Variants in AFAP1L1 observed in about 807,000 individuals in gnomAD.
AFAP1L1 encodes the protein actin filament associated protein 1 like 1, also known as actin filament-associated protein 1-like 1.
Under a neutral mutation model 99.8 loss-of-function variants are expected in AFAP1L1, and 77 were observed. The ratio of observed to expected loss-of-function variants is 0.77; its 90% CI spans 0.64 to 0.93. The LOEUF (loss-of-function observed/expected upper bound fraction) is 0.93. Ranked by LOEUF, AFAP1L1 falls within the 40% of genes least tolerant of loss-of-function variation. The pLI, the probability that AFAP1L1 is intolerant of heterozygous loss-of-function variation, is 0.00. For synonymous variants in AFAP1L1, 373 were observed against 395.3 expected (o/e 0.94, Z 0.67); for missense variants, 893 against 996.8 (o/e 0.90, Z 1.40).
At chr5:149,299,134 G>A (rs1376652607) in intron 1 of AFAP1L1, among the ~76,000 whole-genome samples, 11 of 152,288 alleles carry the variant, frequency 7.2e-5, no homozygotes, top group Admixed American at 6.5e-4. Flanking sequence ...GCTGAGCTTC[G>A]AGCTGCAGTG....
chr5:149,289,430 G>A (rs1755784887), intron 1 of AFAP1L1, among the ~76,000 whole-genome samples: 1 of 151,756 alleles, frequency 6.6e-6, no homozygotes, highest in African/African-American at 2.4e-5. Context: ...GTACTAAGAC[G>A]AAGGCATTGG....
At chr5:149,292,125 C>A (rs995865564) in intron 1 of AFAP1L1, among the ~76,000 whole-genome samples, 1 of 152,244 alleles carries the variant, frequency 6.6e-6, no homozygotes. Context: ...CTGAAAGGTA[C>A]ACAGGAATGA....
chr5:149,315,023 G>A (rs1756753718), intron 9 of AFAP1L1, among the ~76,000 whole-genome samples: 1 of 152,188 alleles, frequency 6.6e-6, no homozygotes, highest in Non-Finnish European at 1.5e-5. Flanking sequence ...CCAGCCTTGG[G>A]GAGACAGAAG....
intron 1 of AFAP1L1, 145 bp from the exon 2 acceptor site, chr5:149,299,364 C>A: frequency 2.8e-6 from 3 of 1,077,474 alleles, no homozygotes; most frequent in Non-Finnish European, 3.9e-6. Context: ...AGGTCTGGGA[C>A]AGCTGAGAGC....
At chr5:149,331,421 C>T (rs540055706) in intron 16 of AFAP1L1, among the ~76,000 whole-genome samples, 1 of 152,150 alleles carries the variant, frequency 6.6e-6, no homozygotes, top group South Asian at 2.1e-4. Flanking sequence ...GAGATCGAGA[C>T]CATCCTGGCT....
chr5:149,274,192 G>A lies in AFAP1L1; in HGVS notation c.16+2208G>A, dbSNP rs78866274. Reference sequence around the variant, plus strand: ...CAGAAGTAAGCTTCAGGAAGGCAAGGAGTGGATCTATTGTGATCAATCTGC... The same window carrying A: ...CAGAAGTAAGCTTCAGGAAGGCAAGAAGTGGATCTATTGTGATCAATCTGC... On this transcript the variant is annotated intron_variant, in intron 1 of 18. Coordinates refer to ENST00000296721, the MANE Select transcript of AFAP1L1 (RefSeq NM_152406.4). 1.6e-3 allele frequency among the ~76,000 whole-genome samples: 241 copies of A among 152,342 alleles called. 5 individuals carry two copies. In the East Asian group the frequency reaches 0.033, roughly 21 times the overall value.
At chr5:149,327,446 C>CACTACAGTATACGTATATGGA (rs1309067885) in intron 15 of AFAP1L1, among the ~76,000 whole-genome samples, 20 of 152,062 alleles carry the variant, frequency 1.3e-4, no homozygotes, top group African/African-American at 4.8e-4. Flanking sequence ...CTAGACTGTA[C>CACTACAGTATACGTATATGGA]ACTACAGTAT....
At chr5:149,288,203 C>T (rs1381218622) in intron 1 of AFAP1L1, among the ~76,000 whole-genome samples, 5 of 152,118 alleles carry the variant, frequency 3.3e-5, no homozygotes, top group African/African-American at 1.2e-4. Context: ...GTAGGAGACA[C>T]CTATGAAAAG....
chr5:149,313,125 T>TAAA (rs765623834), intron 9 of AFAP1L1, among the ~76,000 whole-genome samples: 1 of 129,960 alleles, frequency 7.7e-6, no homozygotes, highest in East Asian at 2.4e-4. Context: ...AAGCTTCATT[T>TAAA]AAAAAAAAAA....
chr5:149,292,908 C>CCCTCTGTCTAGAAGATATTGT (rs985981722), intron 1 of AFAP1L1, among the ~76,000 whole-genome samples: 8 of 152,174 alleles, frequency 5.3e-5, no homozygotes, highest in African/African-American at 1.7e-4. Flanking sequence ...GCGTTACTAC[C>CCCTCTGTCTAGAAGATATTGT]CCTCTGTCTA....
rs1184848469 is a variant in AFAP1L1 at position 149,291,535 on chromosome 5, AAAAAAAAAAAAAAAAG to A, written c.17-7970_17-7955del. Among the ~76,000 whole-genome samples, 313 of 141,620 alleles carry A rather than the reference AAAAAAAAAAAAAAAAG, an allele frequency of 2.2e-3. 5 individuals are homozygous for A. The highest frequency in any genetic ancestry group is 7.9e-3 in the African/African-American group (301 of 38,332). 92.9% of individuals were successfully genotyped at this position (141,620 alleles called of 152,430 possible). ...GCGTGACTCCGTCTCAAAAAAAAAA[AAAAAAAAAAAAAAAAG>A]AAAGAAAGAAGAGAAAAGCCTGCAG... is the stretch of plus-strand genomic sequence containing the variant. On this transcript the variant is annotated intron_variant, in intron 1 of 18. Transcript: ENST00000296721.
In AFAP1L1 at chr5:149,309,963, A is replaced by G. The variant is rs1357612461; in HGVS notation, c.755A>G (p.Lys252Arg). 6.2e-7 allele frequency: 1 copy of G among 1,614,056 alleles called. No individual in the cohort carries two copies. Among genetic ancestry groups the G allele is most frequent in the African/African-American group, 1.3e-5 (1 of 74,914 alleles). The change falls in exon 8 of 19, where the codon AAA becomes AGA. Residue 252 changes from lysine to arginine, a missense_variant. By Grantham distance (26) the Lys-to-Arg change is conservative (BLOSUM62 2). Transcript: ENST00000296721. The stretch of plus-strand genomic sequence containing the variant: ...GTTTCTCTCCCTGTCCAGTGTTACA[A>G]AAGCTCCAAGGATCGGCAGCCACAT... ...VIREDQLLCY[K>R]SSKDRQPHLR...
At chr5:149,311,783 G>A (rs1756637440) in intron 8 of AFAP1L1, among the ~76,000 whole-genome samples, 1 of 152,210 alleles carries the variant, frequency 6.6e-6, no homozygotes, top group African/African-American at 2.4e-5. Context: ...AACCCAAGGA[G>A]GGAAGCAGAG....
intron 17 of AFAP1L1, 45 bp from the exon 18 acceptor site, chr5:149,335,549 C>A (rs1216812685): frequency 1.3e-6 from 2 of 1,597,910 alleles, no homozygotes; most frequent in Non-Finnish European, 1.7e-6. Context: ...GTGTAGGTAG[C>A]CATCACCAGA....
At chr5:149,315,012 C>A (rs1756753287) in intron 9 of AFAP1L1, among the ~76,000 whole-genome samples, 1 of 152,200 alleles carries the variant, frequency 6.6e-6, no homozygotes, top group South Asian at 2.1e-4. Flanking sequence ...AGTGAAAAAA[C>A]CCAGCCTTGG....
chr5:149,331,041 C>T (rs149639268), intron 16 of AFAP1L1, among the ~76,000 whole-genome samples: 2 of 152,138 alleles, frequency 1.3e-5, no homozygotes, highest in East Asian at 3.9e-4. Flanking sequence ...CCCTCCGGCA[C>T]AGCCTCCCTC....
At chr5:149,299,727 C>G (rs760338054) in intron 2 of AFAP1L1, 90 bp downstream of exon 2, 1 of 1,556,612 alleles carries the variant, frequency 6.4e-7, no homozygotes, top group Non-Finnish European at 8.7e-7. Flanking sequence ...CAGGAACCCT[C>G]CGCCCCACCC....
At position 149,320,257 on chromosome 5, in the gene AFAP1L1, C is replaced by T; in HGVS notation, c.1626-134C>T. The T allele has an allele frequency of 1.3e-6, 1 of 793,404 alleles. No homozygotes were observed. The highest frequency in any genetic ancestry group is 1.6e-5 in the South Asian group (1 of 61,886). The allele number at this position is 793,404 out of a possible 1,614,324, so 49.1% of individuals were successfully genotyped here. A position where few individuals can be genotyped will look rare whatever the true frequency, so the allele number is the denominator to read the frequency against. ...CAGCCCATGACACAATGCTGCCTGC[C>T]ATCTTGCTTTTACCAATCTTCTGAT... On this transcript the variant is annotated intron_variant, in intron 13 of 18. Coordinates refer to ENST00000296721, the MANE Select transcript of AFAP1L1 (RefSeq NM_152406.4). This position sits in a 1 kb window ranked among gnomAD's most constrained non-coding sequence, Gnocchi z 4.0.
In AFAP1L1 at chr5:149,335,199, C is replaced by T. The variant is rs9790857; in HGVS notation, c.2155-395C>T. 7.8e-4 allele frequency among the ~76,000 whole-genome samples: 118 copies of T among 152,212 alleles called. 1 individual carries two copies. In the East Asian group the frequency reaches 0.02, roughly 26 times the overall value. Reference sequence around the variant, plus strand: ...CCAGGTGCCTTTTATTTTAAAGTTCCTCATGCAGCCAGGCACAGTAGCTCA... The same window carrying T: ...CCAGGTGCCTTTTATTTTAAAGTTCTTCATGCAGCCAGGCACAGTAGCTCA... On this transcript the variant is annotated intron_variant, in intron 17 of 18. Transcript: ENST00000296721.
Sources: gnomAD v4.1 joint callset for allele counts (sites outside exome capture counted in the v4.1 genomes callset) on GRCh38, gnomAD v4.1.1 for gene constraint, Gnocchi (gnomAD v3.1) non-coding constraint, MANE v1.5 for transcripts, NCBI Gene and HGNC (gene_info 2026-07-23, HGNC 2026-07-21) for gene names.